Variants in NEAT1 observed in about 807,000 individuals in gnomAD.
NEAT1 encodes MENepsilon/beta.
chr11:65,430,998 T>C (rs1443626820), exon 1 of NEAT1: 3 of 152,196 alleles, frequency 2.0e-5, no homozygotes, highest in Admixed American at 1.3e-4. Context: ...CCAGAACTTT[T>C]TCATCTTGCA....
At chr11:65,438,350 GTTTC>G (rs1347663524) in exon 1 of NEAT1, 4 of 151,006 alleles carry the variant, frequency 2.6e-5, no homozygotes, top group Non-Finnish European at 5.9e-5. Flanking sequence ...TGGTAATATT[GTTTC>G]TTCTAAGAAT....
exon 1 of NEAT1, chr11:65,422,872 G>T (rs1856511305): frequency 1.3e-5 from 2 of 152,664 alleles, no homozygotes; most frequent in Admixed American, 6.5e-5. Context: ...GGGCTTCAGG[G>T]GACAGACAGG....
exon 1 of NEAT1, chr11:65,440,474 A>G (rs1230482978): frequency 6.6e-6 from 1 of 151,742 alleles, no homozygotes; most frequent in Non-Finnish European, 1.5e-5. Context: ...AAAAAACAAA[A>G]ACGACAAAAA....
exon 1 of NEAT1, chr11:65,444,294 T>TAAAA: frequency 2.7e-6 from 1 of 373,212 alleles, no homozygotes; most frequent in Non-Finnish European, 5.3e-6. Context: ...TGTGTGTGTG[T>TAAAA]GTGTGTGTGT....
exon 1 of NEAT1, chr11:65,439,029 C>T (rs922257844): frequency 1.3e-5 from 2 of 152,208 alleles, no homozygotes; most frequent in Non-Finnish European, 2.9e-5. Context: ...AATTTCTGCG[C>T]ATTCTTGCCA....
At chr11:65,444,073 C>T (rs566323426) in exon 1 of NEAT1, 5 of 200,182 alleles carry the variant, frequency 2.5e-5, no homozygotes, top group Middle Eastern at 2.1e-3. Flanking sequence ...AGTAAGTGCC[C>T]GCACCATAGT....
chr11:65,440,607 G>A (rs1856705200), exon 1 of NEAT1: 1 of 152,004 alleles, frequency 6.6e-6, no homozygotes, highest in African/African-American at 2.4e-5. Context: ...AAGATTGGGA[G>A]GCCAAGGTGG....
chr11:65,432,176 T>A (rs1856619203), exon 1 of NEAT1: 1 of 152,220 alleles, frequency 6.6e-6, no homozygotes, highest in Non-Finnish European at 1.5e-5. Flanking sequence ...TTTGGGTAGA[T>A]ACCCAGTAGT....
exon 1 of NEAT1, chr11:65,441,885 G>A (rs757375315): frequency 6.6e-6 from 1 of 152,284 alleles, no homozygotes; most frequent in Non-Finnish European, 1.5e-5. Context: ...GAGGGGAGGT[G>A]GAGGGTGGCT....
At chr11:65,426,394 G>A (rs1159333563) in exon 1 of NEAT1, 3 of 152,188 alleles carry the variant, frequency 2.0e-5, no homozygotes, top group Non-Finnish European at 4.4e-5. Flanking sequence ...AATTGAAACT[G>A]TAAAAGTAGA....
exon 1 of NEAT1, chr11:65,440,811 C>G (rs962241833): frequency 6.8e-6 from 1 of 146,730 alleles, no homozygotes. Context: ...CCATTGCACT[C>G]CAGCCTGGGT....
chr11:65,431,268 T>TA (rs1856611801), exon 1 of NEAT1: 1 of 152,224 alleles, frequency 6.6e-6, no homozygotes, highest in African/African-American at 2.4e-5. Context: ...ATCTTTTTTT[T>TA]ATCCATTCAT....
exon 1 of NEAT1, chr11:65,435,437 A>G (rs1305597763): frequency 6.6e-6 from 1 of 152,198 alleles, no homozygotes; most frequent in Non-Finnish European, 1.5e-5. Flanking sequence ...TTATGGCTCT[A>G]TAACATGTCA....
exon 1 of NEAT1, chr11:65,438,473 T>C (rs1856685224): frequency 6.6e-6 from 1 of 152,208 alleles, no homozygotes. Context: ...ACTATCCATT[T>C]CTAGAACTTT....
At chr11:65,427,055 TC>T (rs1478979515) in exon 1 of NEAT1, 1 of 152,128 alleles carries the variant, frequency 6.6e-6, no homozygotes, top group Non-Finnish European at 1.5e-5. Flanking sequence ...CGTCTGGGCT[TC>T]CCTGTGTGCG....
chr11:65,432,127 T>C (rs1856618638), exon 1 of NEAT1: 1 of 152,218 alleles, frequency 6.6e-6, no homozygotes, highest in African/African-American at 2.4e-5. Flanking sequence ...TGAATTGTGC[T>C]ATGATCAGGT....
exon 1 of NEAT1, chr11:65,433,221 T>G (rs1856628540): frequency 6.6e-6 from 1 of 152,220 alleles, no homozygotes; most frequent in Non-Finnish European, 1.5e-5. Flanking sequence ...GATTGCTAGA[T>G]CAAATGGTTC....
exon 1 of NEAT1, chr11:65,428,523 G>A (rs1590671764): frequency 1.3e-5 from 2 of 152,298 alleles, no homozygotes; most frequent in Middle Eastern, 3.4e-3. Context: ...ATGGTGCAGT[G>A]CGGGCATGAA....
rs945297122 is a variant in NEAT1 at position 65,438,502 on chromosome 11, C to T, written n.15705C>T. ...GAACTTTTTCGTCATCCCAAACAGA[C>T]GCTCTGTATTCATAAAAAAATAACT... On this transcript the variant is annotated non_coding_transcript_exon_variant, in exon 1 of 1. Coordinates refer to ENST00000501122, the Ensembl canonical transcript of NEAT1. 10 of 152,254 alleles carry T rather than the reference C, an allele frequency of 6.6e-5. No homozygotes were observed. In the South Asian group the frequency reaches 1.2e-3, roughly 19 times the overall value. 9.4% of individuals were successfully genotyped at this position (152,254 alleles called of 1,614,324 possible). A position where few individuals can be genotyped will look rare whatever the true frequency, so the allele number is the denominator to read the frequency against.
Sources: allele counts gnomAD v4.1 joint callset, GRCh38; gene constraint gnomAD v4.1.1; transcripts MANE v1.5; gene names NCBI Gene and HGNC (gene_info 2026-07-23, HGNC 2026-07-21).